The following USP54 variants were observed in gnomAD, a reference collection of about 807,000 sequenced individuals.
USP54 encodes the protein ubiquitin carboxyl-terminal hydrolase 54.
In USP54, 87 loss-of-function variants were observed where a neutral mutation model predicts 170.5. The ratio of observed to expected loss-of-function variants is 0.51; its 90% CI spans 0.43 to 0.61. The LOEUF is 0.61. USP54 is among the 20% of genes least tolerant of loss of function. The pLI, the probability that USP54 is intolerant of heterozygous loss-of-function variation, is 0.00. For missense variants in USP54, 1,786 were observed against 2,047.8 expected (o/e 0.87, Z 2.47); for synonymous variants, 655 against 742.8 (o/e 0.88, Z 1.92).
intron 1 of USP54, among the ~76,000 whole-genome samples, chr10:73,597,182 G>A (rs1374016196): frequency 6.6e-6 from 1 of 152,166 alleles, no homozygotes; most frequent in Non-Finnish European, 1.5e-5. Context: ...CTAACTTTGG[G>A]AGGAACTTAT....
At chr10:73,551,409 G>A (rs139477119) in intron 4 of USP54, among the ~76,000 whole-genome samples, 5 of 152,312 alleles carry the variant, frequency 3.3e-5, no homozygotes, top group Non-Finnish European at 7.3e-5. Flanking sequence ...ATTTGTTACT[G>A]GAAGGGGAAG....
At chr10:73,624,841 G>A (rs546706561) in intron 1 of USP54, among the ~76,000 whole-genome samples, 1 of 152,138 alleles carries the variant, frequency 6.6e-6, no homozygotes, top group Non-Finnish European at 1.5e-5. Flanking sequence ...AACATGTTCT[G>A]TCTCCTAAAA....
intron 1 of USP54, among the ~76,000 whole-genome samples, chr10:73,612,804 C>T (rs955384199): frequency 1.4e-5 from 2 of 140,704 alleles, no homozygotes; most frequent in Admixed American, 7.6e-5. Flanking sequence ...CTTGCCAAAG[C>T]ACTCCAGCCT....
Position 73,604,801 on chromosome 10 carries a change from T to C in USP54, c.-18+20766A>G, listed in dbSNP as rs556650203. On this transcript the variant is annotated intron_variant, in intron 1 of 22. Transcript: ENST00000339859. ...AGAACGAAGCCGCAGATCTTCACGA[T>C]GAGTGTTACAGCTCTTAAAGGTGGC... Among the ~76,000 whole-genome samples the C allele has an allele frequency of 1.6e-4, 24 of 152,106 alleles. 1 individual carries two copies. The South Asian group carries it at 5.0e-3, about 32-fold the overall frequency.
chr10:73,606,023 C>A (rs2132286997), intron 1 of USP54, among the ~76,000 whole-genome samples: 1 of 151,422 alleles, frequency 6.6e-6, no homozygotes, highest in African/African-American at 2.4e-5. Context: ...ACTAAAAATA[C>A]AAAAATTAGC....
chr10:73,577,551 C>T (rs969573709), intron 1 of USP54, among the ~76,000 whole-genome samples: 9 of 151,996 alleles, frequency 5.9e-5, no homozygotes, highest in Non-Finnish European at 2.9e-5. Context: ...CAGGTATGTG[C>T]TAAACACGAT....
chr10:73,593,956 C>A (rs1482616130), upstream of USP54, among the ~76,000 whole-genome samples: 2 of 152,122 alleles, frequency 1.3e-5, no homozygotes, highest in South Asian at 4.1e-4. Flanking sequence ...TGGAGTAACC[C>A]CAAAGTCAAA....
At chr10:73,525,662 A>G (rs2062717169) in intron 16 of USP54, among the ~76,000 whole-genome samples, 1 of 152,264 alleles carries the variant, frequency 6.6e-6, no homozygotes. Context: ...CAAATGTATA[A>G]TTACAATGGG....
At chr10:73,584,855 G>A (rs2077300106) in intron 1 of USP54, among the ~76,000 whole-genome samples, 1 of 152,110 alleles carries the variant, frequency 6.6e-6, no homozygotes, top group Admixed American at 6.6e-5. Context: ...AGGGCCTGGT[G>A]TGGATCTCTA....
chr10:73,517,685 T>A lies in USP54; in HGVS notation c.2741A>T (p.Asp914Val). 2 of 1,614,140 alleles carry A rather than the reference T, an allele frequency of 1.2e-6. No individual in the cohort carries two copies. Among genetic ancestry groups the A allele is most frequent in the Non-Finnish European group, 1.7e-6 (2 of 1,180,028 alleles). Reference sequence around the variant, plus strand: ...GAAAGAACTGGCCCCAAACTCTGTATCCATGCCGGATTCCAGTTGGGCCTC... The same window carrying A: ...GAAAGAACTGGCCCCAAACTCTGTAACCATGCCGGATTCCAGTTGGGCCTC... The part of the protein sequence containing the change: ...SQEAQLESGM[D>V]TEFGASSFFH... Residue 914 changes from aspartate (D) to valine (V), a missense_variant, in exon 20 of 24, where the codon GAT becomes GTT. Asp to Val is a radical substitution (Grantham distance 152). Transcript: ENST00000687698.
At chr10:73,586,680 C>T (rs2077523656) in intron 1 of USP54, among the ~76,000 whole-genome samples, 1 of 152,176 alleles carries the variant, frequency 6.6e-6, no homozygotes, top group African/African-American at 2.4e-5. Flanking sequence ...ATACTGCTGA[C>T]AACTTTTTCT....
intron 21 of USP54, 39 bp downstream of exon 21, chr10:73,505,269 C>T: frequency 6.3e-7 from 1 of 1,580,236 alleles, no homozygotes; most frequent in Non-Finnish European, 8.7e-7. Context: ...CCCCAACACA[C>T]CACCCCAGGC....
At chr10:73,545,504 C>A in intron 5 of USP54, 34 bp downstream of exon 5, 1 of 1,612,290 alleles carries the variant, frequency 6.2e-7, no homozygotes, top group Non-Finnish European at 8.5e-7. Flanking sequence ...GCAGTCCCAC[C>A]CCATATCAAA....
Position 73,575,855 on chromosome 10 carries a change from C to T in USP54, c.-75G>A. On this transcript the variant is annotated 5_prime_UTR_variant, in exon 2 of 24. Transcript: ENST00000687698. ...CAGGTATCCTCCTAGATCAAGATGA[C>T]AGAGCCCTCCCTCACTTGTTCCAAA... 2.0e-6 allele frequency: 1 copy of T among 500,992 alleles called. No individual in the cohort carries two copies. The highest frequency in any genetic ancestry group is 3.3e-6 in the Non-Finnish European group (1 of 300,536). The allele number at this position is 500,992 out of a possible 1,614,324, so 31.0% of individuals were successfully genotyped here.
chr10:73,596,086 G>A (rs544573011), upstream of USP54, among the ~76,000 whole-genome samples: 29 of 150,740 alleles, frequency 1.9e-4, no homozygotes, highest in African/African-American at 2.4e-4. Flanking sequence ...ACTCCAGCCT[G>A]GGCAACAGAG....
At chr10:73,532,329 C>T (rs1312263054) in intron 12 of USP54, among the ~76,000 whole-genome samples, 1 of 152,112 alleles carries the variant, frequency 6.6e-6, no homozygotes, top group African/African-American at 2.4e-5. Context: ...CCTGCCACCA[C>T]ACCCAGCTAA....
At chr10:73,560,381 A>G (rs7092814) in intron 4 of USP54, among the ~76,000 whole-genome samples, 1 of 151,996 alleles carries the variant, frequency 6.6e-6, no homozygotes, top group East Asian at 1.9e-4. Context: ...CAGGCCGGGC[A>G]TGGTGGCTCA....
At chr10:73,613,462 C>T (rs555520499) in intron 1 of USP54, among the ~76,000 whole-genome samples, 51 of 151,248 alleles carry the variant, frequency 3.4e-4, no homozygotes, top group African/African-American at 1.2e-3. Context: ...TTTTTGAGAC[C>T]CTGTCACCCC....
intron 22 of USP54, among the ~76,000 whole-genome samples, chr10:73,502,600 A>G (rs2058358752): frequency 6.6e-6 from 1 of 152,202 alleles, no homozygotes; most frequent in African/African-American, 2.4e-5. Flanking sequence ...GGCGTGAGCC[A>G]CCGCGCCCGG....
Sources: allele counts gnomAD v4.1 joint callset (sites outside exome capture counted in the v4.1 genomes callset), GRCh38; gene constraint gnomAD v4.1.1; transcripts MANE v1.5; gene names NCBI Gene and HGNC (gene_info 2026-07-23, HGNC 2026-07-21).